CDS1: variants seen among roughly 807,000 people sequenced by gnomAD.
CDS1 encodes phosphatidate cytidylyltransferase 1.
In CDS1, 41 loss-of-function variants were observed where a neutral mutation model predicts 62.1. The ratio of observed to expected loss-of-function variants is 0.66; its 90% confidence interval spans 0.51 to 0.86. The LOEUF (loss-of-function observed/expected upper bound fraction) is 0.86, where lower values mean the gene tolerates loss of function less well. Ranked by LOEUF, CDS1 falls within the 40% of genes least tolerant of loss-of-function variation. The probability of loss-of-function intolerance (pLI) is 0.00; values close to 1 mark genes in which losing one functional copy is unlikely to be tolerated. For synonymous variants in CDS1, 185 were observed against 192.6 expected (o/e 0.96, Z 0.32); for missense variants, 470 against 550.1 (o/e 0.85, Z 1.46).
intron 5 of CDS1, among the ~76,000 whole-genome samples, chr4:84,630,325 A>G (rs1402245277): frequency 6.6e-6 from 1 of 152,114 alleles, no homozygotes; most frequent in Non-Finnish European, 1.5e-5. Flanking sequence ...CACTCAGAAA[A>G]TGTGTCCCTA....
intron 1 of CDS1, among the ~76,000 whole-genome samples, chr4:84,604,009 G>C (rs1330787368): frequency 7.2e-5 from 11 of 152,256 alleles, no homozygotes; most frequent in African/African-American, 2.2e-4. Context: ...AGCTTCTTTT[G>C]TGTCTTTTGT....
chr4:84,591,997 T>C (rs1722603392), intron 1 of CDS1, among the ~76,000 whole-genome samples: 1 of 152,204 alleles, frequency 6.6e-6, no homozygotes, highest in African/African-American at 2.4e-5. Flanking sequence ...CATCGCTTAC[T>C]TATGATCAAT....
intron 1 of CDS1, among the ~76,000 whole-genome samples, chr4:84,603,559 C>T (rs1723000362): frequency 6.6e-6 from 1 of 152,158 alleles, no homozygotes; most frequent in Non-Finnish European, 1.5e-5. Flanking sequence ...TCACCCTATC[C>T]CTGGAAATTC....
At chr4:84,593,285 A>G (rs1000006843) in intron 1 of CDS1, among the ~76,000 whole-genome samples, 1 of 152,162 alleles carries the variant, frequency 6.6e-6, no homozygotes, top group African/African-American at 2.4e-5. Flanking sequence ...ACAAGAAGAT[A>G]AGGATACTAG....
intron 3 of CDS1, 59 bp downstream of exon 3, chr4:84,609,584 A>G (rs1344191272): frequency 6.4e-6 from 6 of 934,792 alleles, no homozygotes; most frequent in Non-Finnish European, 1.0e-5. Context: ...TTTATATAGG[A>G]TTGAAGTAAT....
At chr4:84,621,671 T>G (rs930498992) in intron 5 of CDS1, among the ~76,000 whole-genome samples, 2 of 152,160 alleles carry the variant, frequency 1.3e-5, no homozygotes, top group Non-Finnish European at 2.9e-5. Flanking sequence ...AAGGGATCCT[T>G]CCGCCTTGGC....
intron 5 of CDS1, among the ~76,000 whole-genome samples, chr4:84,622,328 C>T (rs527987516): frequency 3.4e-4 from 51 of 152,174 alleles, no homozygotes; most frequent in Non-Finnish European, 4.6e-4. Context: ...GTGGCTCACA[C>T]CTGTAATCCC....
chr4:84,632,920 T>C (rs1002222063), intron 6 of CDS1, among the ~76,000 whole-genome samples: 1 of 152,148 alleles, frequency 6.6e-6, no homozygotes, highest in Admixed American at 6.6e-5. Context: ...GCCCAGGAGT[T>C]TGAGACCAGT....
intron 1 of CDS1, among the ~76,000 whole-genome samples, chr4:84,592,776 G>C (rs940861554): frequency 5.9e-5 from 9 of 152,160 alleles, no homozygotes; most frequent in African/African-American, 2.2e-4. Flanking sequence ...CCTGGCTATG[G>C]TTGTAGTTCC....
intron 5 of CDS1, among the ~76,000 whole-genome samples, chr4:84,631,104 A>T (rs1439698880): frequency 1.3e-5 from 2 of 152,222 alleles, no homozygotes; most frequent in African/African-American, 4.8e-5. Flanking sequence ...ATTACATTTT[A>T]CTATAATTAT....
intron 11 of CDS1, among the ~76,000 whole-genome samples, chr4:84,643,785 A>G (rs1398657753): frequency 6.6e-6 from 1 of 152,170 alleles, no homozygotes; most frequent in Non-Finnish European, 1.5e-5. Context: ...AGAGACCTAA[A>G]ATTATCCCTG....
intron 3 of CDS1, among the ~76,000 whole-genome samples, chr4:84,610,310 C>T (rs963446222): frequency 6.6e-6 from 1 of 151,944 alleles, no homozygotes; most frequent in Admixed American, 6.6e-5. Flanking sequence ...ACATCATGAG[C>T]GGGGCATGGA....
chr4:84,609,903 C>T (rs1023872015), intron 3 of CDS1, among the ~76,000 whole-genome samples: 4 of 151,888 alleles, frequency 2.6e-5, no homozygotes, highest in African/African-American at 4.8e-5. Flanking sequence ...CCTATAGTCC[C>T]AGCTACTGGG....
At chr4:84,640,749 A>T in intron 9 of CDS1, 89 bp from the exon 10 acceptor site, 1 of 1,052,754 alleles carries the variant, frequency 9.5e-7, no homozygotes. Flanking sequence ...GGCCTTTCTG[A>T]TGTATAACTT....
At chr4:84,623,385 T>C (rs1381561066) in intron 5 of CDS1, among the ~76,000 whole-genome samples, 1 of 152,252 alleles carries the variant, frequency 6.6e-6, no homozygotes, top group Non-Finnish European at 1.5e-5. Flanking sequence ...GTTGGACTTT[T>C]ACTTAATAAT....
At chr4:84,620,991 C>G (rs1032704538) in intron 5 of CDS1, among the ~76,000 whole-genome samples, 58 of 150,924 alleles carry the variant, frequency 3.8e-4, no homozygotes, top group African/African-American at 1.4e-3. Flanking sequence ...ACCCGGGAGG[C>G]GGAGGTTGCG....
At chr4:84,616,558 T>A in intron 3 of CDS1, among the ~76,000 whole-genome samples, 1 of 152,344 alleles carries the variant, frequency 6.6e-6, no homozygotes, top group Non-Finnish European at 1.5e-5. Context: ...CATAATATTT[T>A]ATTTTTAAAT....
At chr4:84,648,453 C>A (rs1724617201) in intron 12 of CDS1, 104 bp from the exon 13 acceptor site, 3 of 1,034,644 alleles carry the variant, frequency 2.9e-6, no homozygotes, top group Non-Finnish European at 4.2e-6. Context: ...GTAAAGATTC[C>A]TACTCTACAC....
chr4:84,601,991 C>A (rs1722952751), intron 1 of CDS1, among the ~76,000 whole-genome samples: 1 of 152,168 alleles, frequency 6.6e-6, no homozygotes. Context: ...TCAACATGCA[C>A]AGTGCCGCAT....
Sources: allele counts gnomAD v4.1 joint callset (sites outside exome capture counted in the v4.1 genomes callset), GRCh38; gene constraint gnomAD v4.1.1; transcripts MANE v1.5; gene names NCBI Gene and HGNC (gene_info 2026-07-23, HGNC 2026-07-21).